The following MMP16 variants were observed in gnomAD, a reference collection of about 807,000 sequenced individuals.
The protein encoded by MMP16 is matrix metallopeptidase 16.
A neutral mutation model predicts 67.8 loss-of-function variants in MMP16; 12 were observed. That is an observed-to-expected ratio of 0.18 (90% CI 0.11 to 0.29). The LOEUF is 0.29. Ranked by LOEUF, MMP16 falls within the 10% of genes least tolerant of loss-of-function variation. The pLI, the probability that MMP16 is intolerant of heterozygous loss-of-function variation, is 1.00. For synonymous variants in MMP16, 249 were observed against 255.9 expected (o/e 0.97, Z 0.26); for missense variants, 475 against 765.7 (o/e 0.62, Z 4.48).
chr8:88,103,565 CCAT>C (rs1393635026), intron 6 of MMP16, among the ~76,000 whole-genome samples: 1 of 151,808 alleles, frequency 6.6e-6, no homozygotes, highest in Non-Finnish European at 1.5e-5. Context: ...AATAACACAA[CCAT>C]CATCAACTTC....
intron 1 of MMP16, among the ~76,000 whole-genome samples, chr8:88,214,378 C>G (rs1809556303): frequency 6.6e-6 from 1 of 152,120 alleles, no homozygotes; most frequent in South Asian, 2.1e-4. Context: ...TTTTTCTTAA[C>G]TTTCTCAACT....
At chr8:88,283,049 C>G (rs540975656) in intron 1 of MMP16, among the ~76,000 whole-genome samples, 1 of 151,962 alleles carries the variant, frequency 6.6e-6, no homozygotes, top group African/African-American at 2.4e-5. Context: ...CATTATCTTT[C>G]ATTACTAAAC....
At chr8:88,042,922 C>A (rs1808151266) in intron 9 of MMP16, among the ~76,000 whole-genome samples, 1 of 152,020 alleles carries the variant, frequency 6.6e-6, no homozygotes, top group Admixed American at 6.6e-5. Context: ...AGATAAAATT[C>A]AAAAAATCAA....
chr8:88,219,947 A>G (rs1388894678), intron 1 of MMP16, among the ~76,000 whole-genome samples: 1 of 152,110 alleles, frequency 6.6e-6, no homozygotes, highest in African/African-American at 2.4e-5. Context: ...AGACAAAAGT[A>G]GAAAGAATGG....
intron 4 of MMP16, among the ~76,000 whole-genome samples, chr8:88,137,098 C>T (rs568332816): frequency 6.6e-6 from 1 of 151,930 alleles, no homozygotes; most frequent in African/African-American, 2.4e-5. Context: ...TGAGTGATAT[C>T]ACATTGTGAC....
intron 1 of MMP16, among the ~76,000 whole-genome samples, chr8:88,206,395 C>A (rs1033020032): frequency 6.6e-6 from 1 of 152,072 alleles, no homozygotes; most frequent in African/African-American, 2.4e-5. Flanking sequence ...GCATGTTCTC[C>A]CCATGTTTGT....
intron 1 of MMP16, among the ~76,000 whole-genome samples, chr8:88,243,757 G>A (rs566152734): frequency 3.1e-4 from 47 of 152,226 alleles, no homozygotes; most frequent in East Asian, 1.7e-3. Context: ...TTTGTGCTGC[G>A]TGTTAACATA....
At chr8:88,124,877 T>C (rs75598406) in intron 4 of MMP16, among the ~76,000 whole-genome samples, 1,865 of 151,968 alleles carry the variant, frequency 0.012, 66 homozygotes, top group East Asian at 0.085. Flanking sequence ...AGCTTCTCTG[T>C]GCATACTCAC....
intron 1 of MMP16, among the ~76,000 whole-genome samples, chr8:88,323,634 G>A (rs560555570): frequency 1.3e-5 from 2 of 151,756 alleles, no homozygotes; most frequent in African/African-American, 4.8e-5. Context: ...TTCCTCCCTG[G>A]AAATGTATGC....
At chr8:88,278,956 T>C (rs1297133752) in intron 1 of MMP16, among the ~76,000 whole-genome samples, 1 of 152,146 alleles carries the variant, frequency 6.6e-6, no homozygotes, top group Non-Finnish European at 1.5e-5. Context: ...ACTAGACTCA[T>C]GTGGCTATTG....
At chr8:88,142,163 G>C (rs1475121617) in intron 4 of MMP16, among the ~76,000 whole-genome samples, 4 of 151,878 alleles carry the variant, frequency 2.6e-5, no homozygotes, top group Non-Finnish European at 5.9e-5. Flanking sequence ...GCTCGCCTCA[G>C]TCTCCCAAAG....
chr8:88,078,700 C>T (rs1808694360), intron 6 of MMP16, among the ~76,000 whole-genome samples: 1 of 152,046 alleles, frequency 6.6e-6, no homozygotes, highest in African/African-American at 2.4e-5. Context: ...CAAAACAAAA[C>T]AAAAAACAAA....
intron 2 of MMP16, among the ~76,000 whole-genome samples, chr8:88,189,872 C>T (rs2129763162): frequency 6.6e-6 from 1 of 152,260 alleles, no homozygotes; most frequent in Non-Finnish European, 1.5e-5. Context: ...TCTCTATCTA[C>T]CACTGACCTG....
At chr8:88,305,376 GATC>G (rs1811196808) in intron 1 of MMP16, among the ~76,000 whole-genome samples, 1 of 152,128 alleles carries the variant, frequency 6.6e-6, no homozygotes, top group Non-Finnish European at 1.5e-5. Flanking sequence ...GACAATATCA[GATC>G]ATCAAGACAG....
At chr8:88,109,300 T>C (rs187538687) in intron 6 of MMP16, among the ~76,000 whole-genome samples, 29 of 151,434 alleles carry the variant, frequency 1.9e-4, no homozygotes, top group Admixed American at 1.5e-3. Context: ...CTGTTGACTT[T>C]CATGGACTTT....
At chr8:88,137,153 C>T (rs1227126640) in intron 4 of MMP16, among the ~76,000 whole-genome samples, 3 of 151,756 alleles carry the variant, frequency 2.0e-5, no homozygotes, top group Admixed American at 1.3e-4. Flanking sequence ...TTTTCATACG[C>T]TTATTTGTAT....
intron 6 of MMP16, among the ~76,000 whole-genome samples, chr8:88,097,606 C>T (rs1809050802): frequency 7.8e-6 from 1 of 127,568 alleles, no homozygotes; most frequent in East Asian, 2.3e-4. Flanking sequence ...AACCTGAGAG[C>T]CAGAGCAAAA....
intron 6 of MMP16, among the ~76,000 whole-genome samples, chr8:88,099,935 G>A (rs1020433145): frequency 6.6e-6 from 1 of 151,826 alleles, no homozygotes; most frequent in Non-Finnish European, 1.5e-5. Context: ...TTAGGGCAGT[G>A]GTACTGAGTG....
chr8:88,154,791 G>T (rs56006601), intron 4 of MMP16, among the ~76,000 whole-genome samples: 9 of 145,832 alleles, frequency 6.2e-5, no homozygotes. Flanking sequence ...TGGGTGCAGC[G>T]CACCAGCATG....
Sources: gnomAD v4.1 joint callset for allele counts (sites outside exome capture counted in the v4.1 genomes callset) on GRCh38, gnomAD v4.1.1 for gene constraint, MANE v1.5 for transcripts, NCBI Gene and HGNC (gene_info 2026-07-23, HGNC 2026-07-21) for gene names.